ACAD11: variants seen among roughly 807,000 people sequenced by gnomAD.
ACAD11 encodes the protein acyl-CoA dehydrogenase family member 11.
Under a neutral mutation model 102.2 loss-of-function variants are expected in ACAD11, and 83 were observed. That is an observed-to-expected ratio of 0.81 (90% CI 0.68 to 0.97). The LOEUF (loss-of-function observed/expected upper bound fraction) is 0.97. Ranked by LOEUF, ACAD11 falls within the 50% of genes least tolerant of loss-of-function variation. The pLI is 0.00. For synonymous variants in ACAD11, 324 were observed against 319.8 expected (o/e 1.01, Z -0.14); for missense variants, 901 against 951.7 (o/e 0.95, Z 0.70).
At chr3:132,627,406 T>G (rs1939869513) in intron 8 of ACAD11, among the ~76,000 whole-genome samples, 1 of 152,208 alleles carries the variant, frequency 6.6e-6, no homozygotes, top group Non-Finnish European at 1.5e-5. Flanking sequence ...AAATCCCGCT[T>G]CATTAGTTTT....
At chr3:132,596,126 T>C (rs1036311433) in intron 13 of ACAD11, among the ~76,000 whole-genome samples, 1 of 152,210 alleles carries the variant, frequency 6.6e-6, no homozygotes, top group Non-Finnish European at 1.5e-5. Flanking sequence ...TCATGTTCTT[T>C]GCAGGCACGT....
rs543354711 is a variant in ACAD11, at chr3:132,603,630, T to C, written c.1523-303A>G. On this transcript the variant is annotated intron_variant, in intron 12 of 19. Coordinates refer to ENST00000264990, the MANE Select transcript of ACAD11 (RefSeq NM_032169.5). ...CCTTTCTCCAATCAGCAAATGTAGA[T>C]AAAAGTATTGTTTTCTACTTCTCAC... 9.2e-5 allele frequency among the ~76,000 whole-genome samples: 14 copies of C among 152,346 alleles called. No homozygotes were observed. The South Asian group carries it at 2.9e-3, about 32-fold the overall frequency.
chr3:132,659,449 G>A, intron 1 of ACAD11, 154 bp downstream of exon 1: 2 of 1,053,632 alleles, frequency 1.9e-6, no homozygotes, highest in Non-Finnish European at 2.7e-6. Context: ...AATTCGGAGG[G>A]CCGGCAATAG....
intron 9 of ACAD11, among the ~76,000 whole-genome samples, chr3:132,622,613 T>C (rs1038459640): frequency 2.0e-5 from 3 of 152,218 alleles, no homozygotes; most frequent in African/African-American, 7.2e-5. Context: ...TCTGCAAAGT[T>C]TATTTGTGGC....
In ACAD11 at chr3:132,626,792, T is replaced by C. The variant is rs766306399; in HGVS notation, c.1096A>G (p.Ile366Val). ...KRTFSTVLPQ[I>V]DTTGQLFVQT... ...ACAAACAACTGTCCAGTAGTATCAA[T>C]CTGTGGTAGTACAGTACTGAAAGTT... Residue 366 changes from isoleucine to valine, a missense_variant, in exon 9 of 20, where the codon ATT (isoleucine) becomes GTT (valine). By Grantham distance (29) the Ile-to-Val change is conservative. Transcript: ENST00000264990. 6 of 1,613,684 alleles carry C rather than the reference T, an allele frequency of 3.7e-6. No homozygotes were observed. In the South Asian group the frequency reaches 5.5e-5, roughly 15 times the overall value.
chr3:132,642,044 C>G lies in ACAD11; in HGVS notation c.465G>C (p.Gln155His). 1 of 1,614,054 alleles carries G rather than the reference C, an allele frequency of 6.2e-7. No homozygotes were observed. Residue 155 changes from glutamine (Q) to histidine (H), a missense_variant, in exon 4 of 20, where the codon CAG becomes CAC. Gln to His is a conservative substitution (Grantham distance 24). Transcript: ENST00000264990. ...IYVATVETLA[Q>H]LHSLNIQSLQ... is the part of the protein sequence containing the mutation. ...GTGACTGTATATTCAAGGAATGTAA[C>G]TGAGCCAATGTTTCTACCGTGGCCA...
chr3:132,563,767 CT>C (rs1299881229), intron 17 of ACAD11, among the ~76,000 whole-genome samples: 1 of 152,070 alleles, frequency 6.6e-6, no homozygotes, highest in African/African-American at 2.4e-5. Flanking sequence ...ACTACATGCA[CT>C]TTTTTTCTCT....
Position 132,591,162 on chromosome 3 carries a change from A to C in ACAD11, c.1622-11604T>G, listed in dbSNP as rs563187537. Among the ~76,000 whole-genome samples the C allele has an allele frequency of 5.9e-5, 9 of 152,264 alleles. No homozygotes were observed. The South Asian group carries it at 1.7e-3, about 28-fold the overall frequency. The stretch of plus-strand genomic sequence containing the variant: ...GGTTTTACATTTAAGTCTCTAATTC[A>C]TTTTGAATTAACTTTTGTATATGGT... On this transcript the variant is annotated intron_variant, in intron 13 of 19. Transcript: ENST00000264990.
intron 13 of ACAD11, chr3:132,600,553 C>T (rs766124398): frequency 8.7e-6 from 14 of 1,613,824 alleles, no homozygotes; most frequent in South Asian, 2.2e-5. Context: ...CAATAGTTTT[C>T]GTCATTGGAC....
intron 13 of ACAD11, among the ~76,000 whole-genome samples, chr3:132,589,166 A>G (rs1238331895): frequency 1.3e-5 from 2 of 152,194 alleles, no homozygotes; most frequent in Non-Finnish European, 2.9e-5. Flanking sequence ...CCTTGTTCTT[A>G]GACTTTTCAG....
intron 13 of ACAD11, chr3:132,600,680 C>T (rs774261094): frequency 2.5e-5 from 41 of 1,613,780 alleles, no homozygotes; most frequent in Non-Finnish European, 3.2e-5. Flanking sequence ...ATTCACTCTG[C>T]CTTTTTGGGC....
At position 132,605,182 on chromosome 3, in the gene ACAD11, G is replaced by A. The variant is rs963625210; in HGVS notation, c.1438C>T (p.His480Tyr). 1 of 1,612,874 alleles carries A rather than the reference G, an allele frequency of 6.2e-7. No individual in the cohort carries two copies. Among genetic ancestry groups the A allele is most frequent in the Non-Finnish European group, 8.5e-7 (1 of 1,179,080 alleles). Residue 480 changes from histidine to tyrosine, a missense_variant, in exon 12 of 20, where the codon CAC (histidine) becomes TAC (tyrosine). Physicochemically the swap from His to Tyr is moderately conservative, Grantham distance 83. Transcript: ENST00000264990. ...APDTGNMEVL[H>Y]LYGSEEQKKQ... ...TTCTGTTCCTCACTTCCATACAGGT[G>A]CAGAACCTCCATATTCCCTGTGTCT...
chr3:132,628,243 T>C, intron 8 of ACAD11, 97 bp downstream of exon 8: 12 of 690,190 alleles, frequency 1.7e-5, no homozygotes, highest in Non-Finnish European at 2.8e-5. Context: ...TCCTGGTGTA[T>C]GCAATAAAAA....
intron 1 of ACAD11, 82 bp from the exon 2 acceptor site, chr3:132,644,978 A>G: frequency 1.2e-6 from 1 of 808,426 alleles, no homozygotes; most frequent in Non-Finnish European, 2.0e-6. Context: ...ATGTCAGAAG[A>G]AACAAATGAA....
intron 11 of ACAD11, 41 bp from the exon 12 acceptor site, chr3:132,605,246 T>C: frequency 6.7e-7 from 1 of 1,491,394 alleles, no homozygotes; most frequent in Admixed American, 1.7e-5. Flanking sequence ...ATTTGAAAAT[T>C]TATCAGTATG....
At chr3:132,613,329 A>G (rs2107839907) in intron 11 of ACAD11, among the ~76,000 whole-genome samples, 1 of 152,080 alleles carries the variant, frequency 6.6e-6, no homozygotes, top group Admixed American at 6.5e-5. Flanking sequence ...ATACATATGT[A>G]ATAAACCTGC....
intron 9 of ACAD11, among the ~76,000 whole-genome samples, chr3:132,624,803 C>T (rs1939749658): frequency 6.6e-6 from 1 of 151,748 alleles, no homozygotes; most frequent in African/African-American, 2.4e-5. Context: ...CCTCCCACCT[C>T]AGCCTCCCGA....
chr3:132,603,360 G>T (rs761709968), intron 12 of ACAD11, 33 bp from the exon 13 acceptor site: 1 of 1,570,540 alleles, frequency 6.4e-7, no homozygotes. Flanking sequence ...TTTACAGGCA[G>T]GCAGATATCA....
chr3:132,625,774 C>T (rs1460806109), intron 9 of ACAD11, among the ~76,000 whole-genome samples: 1 of 152,134 alleles, frequency 6.6e-6, no homozygotes, highest in Non-Finnish European at 1.5e-5. Context: ...TCTTTCAGTT[C>T]CCTATTTGAT....
Sources: allele counts gnomAD v4.1 joint callset (sites outside exome capture counted in the v4.1 genomes callset), GRCh38; gene constraint gnomAD v4.1.1; transcripts MANE v1.5; gene names NCBI Gene and HGNC (gene_info 2026-07-23, HGNC 2026-07-21).